The following KCNH1 variants were observed in gnomAD, a reference collection of about 807,000 sequenced individuals.
KCNH1 encodes the protein potassium voltage-gated channel subfamily H member 1, also known as voltage-gated delayed rectifier potassium channel KCNH1.
In KCNH1, 27 loss-of-function variants were observed where a neutral mutation model predicts 69.2. That is an observed-to-expected ratio of 0.39 (90% confidence interval 0.29 to 0.54). The LOEUF is 0.54. Ranked by LOEUF, KCNH1 falls within the 20% of genes least tolerant of loss-of-function variation. KCNH1 has a pLI of 0.68. For missense variants in KCNH1, 798 were observed against 1,261.6 expected, an observed-to-expected ratio of 0.63 and a Z score of 5.57; for synonymous variants, 456 against 487.7, an observed-to-expected ratio of 0.93 and a Z score of 0.86.
At chr1:210,827,568 T>C (rs369352762) in intron 7 of KCNH1, among the ~76,000 whole-genome samples, 31 of 152,108 alleles carry the variant, frequency 2.0e-4, no homozygotes, top group African/African-American at 7.5e-4. Flanking sequence ...TTGATTACAC[T>C]TTACATTCAA....
At chr1:211,042,413 C>CA (rs1230896235) in intron 5 of KCNH1, among the ~76,000 whole-genome samples, 2 of 152,074 alleles carry the variant, frequency 1.3e-5, no homozygotes, top group Non-Finnish European at 2.9e-5. Flanking sequence ...CAAGGCCTGG[C>CA]ATATAGTGTT....
At chr1:210,966,100 C>T (rs1208809497) in intron 6 of KCNH1, among the ~76,000 whole-genome samples, 3 of 152,170 alleles carry the variant, frequency 2.0e-5, no homozygotes, top group South Asian at 4.1e-4. Flanking sequence ...ACCATCTGAT[C>T]TTTGACAAAC....
intron 3 of KCNH1, among the ~76,000 whole-genome samples, chr1:211,101,426 G>T (rs1487813382): frequency 5.9e-5 from 9 of 152,172 alleles, no homozygotes; most frequent in African/African-American, 2.2e-4. Context: ...TAGTAAGCAG[G>T]TCCTAGGAAG....
chr1:210,683,213 G>A lies in KCNH1; in HGVS notation c.*68C>T. 6.9e-7 allele frequency: 1 copy of A among 1,454,400 alleles called. No homozygotes were observed. Among genetic ancestry groups the A allele is most frequent in the Non-Finnish European group, 9.3e-7 (1 of 1,070,620 alleles). 90.1% of individuals were successfully genotyped at this position (1,454,400 alleles called of 1,614,324 possible). ...AAAATTGTTGGTCATGTGGACATAT[G>A]TGGTAGGGGTGGTGGTGACGGCAGG... On this transcript the variant is annotated 3_prime_UTR_variant, in exon 11 of 11. Transcript: ENST00000271751. The surrounding 1 kb of genome is among the most constrained non-coding windows in gnomAD (Gnocchi z 5.7).
chr1:210,695,225 GTCCTT>G (rs369542778), intron 10 of KCNH1, among the ~76,000 whole-genome samples: 20 of 152,230 alleles, frequency 1.3e-4, no homozygotes, highest in Admixed American at 3.3e-4. Context: ...AACAACTCAA[GTCCTT>G]TACTTTATCC....
At chr1:210,781,370 C>T (rs190996144) in intron 9 of KCNH1, among the ~76,000 whole-genome samples, 1 of 152,184 alleles carries the variant, frequency 6.6e-6, no homozygotes, top group East Asian at 1.9e-4. Flanking sequence ...CCCCCTATCC[C>T]ACTGCCTTTA....
chr1:210,919,511 C>T lies in KCNH1; in HGVS notation c.1462+129G>A, dbSNP rs1687415990. The T allele has an allele frequency of 5.6e-6, 5 of 895,770 alleles. No homozygotes were observed. In the African/African-American group the frequency reaches 6.7e-5, roughly 12 times the overall value. The allele number at this position is 895,770 out of a possible 1,614,324, so 55.5% of individuals were successfully genotyped here. A position where few individuals can be genotyped will look rare whatever the true frequency, so the allele number is the denominator to read the frequency against. On this transcript the variant is annotated intron_variant, in intron 7 of 10. Transcript: ENST00000271751. The surrounding 1 kb of genome is among the most constrained non-coding windows in gnomAD (Gnocchi z 4.2). ...CTTTAATTATCAGGGTAACTGTAAG[C>T]CTAGTCTTAAAAAAACTCTTCCTTG... is the stretch of plus-strand genomic sequence containing the variant.
At chr1:210,686,249 C>T (rs528822092) in intron 10 of KCNH1, among the ~76,000 whole-genome samples, 4 of 152,310 alleles carry the variant, frequency 2.6e-5, no homozygotes, top group African/African-American at 7.2e-5. Flanking sequence ...TCACTCTGTG[C>T]TCTGAGTTGG....
intron 7 of KCNH1, among the ~76,000 whole-genome samples, chr1:210,875,531 A>C (rs1290678675): frequency 6.6e-6 from 1 of 152,198 alleles, no homozygotes; most frequent in Non-Finnish European, 1.5e-5. Flanking sequence ...GGCTGGGCGC[A>C]GTGGCTCATG....
At chr1:210,802,261 A>G (rs924243635) in intron 8 of KCNH1, among the ~76,000 whole-genome samples, 7 of 152,258 alleles carry the variant, frequency 4.6e-5, no homozygotes, top group African/African-American at 1.7e-4. Context: ...AATTCAGTTC[A>G]ATGTTTCCTT....
chr1:210,999,236 G>T (rs894589068), intron 6 of KCNH1, among the ~76,000 whole-genome samples: 1 of 152,056 alleles, frequency 6.6e-6, no homozygotes, highest in African/African-American at 2.4e-5. Context: ...CTGGTTTTTT[G>T]AAAAGATCAA....
At position 210,859,547 on chromosome 1, in the gene KCNH1, A is replaced by G; in HGVS notation, c.1463-55381T>C. 1.9e-6 allele frequency: 3 copies of G among 1,586,550 alleles called. No individual in the cohort carries two copies. The Admixed American group carries it at 5.0e-5, about 26-fold the overall frequency. Reference sequence around the variant, plus strand: ...GCCTGCTTAGCCAGAATCTCCAAATATTCTTTCCCATCTTCATCAATATCA... The same window carrying G: ...GCCTGCTTAGCCAGAATCTCCAAATGTTCTTTCCCATCTTCATCAATATCA... On this transcript the variant is annotated intron_variant, in intron 7 of 10. Coordinates refer to ENST00000271751, the MANE Select transcript of KCNH1 (RefSeq NM_172362.3).
intron 6 of KCNH1, among the ~76,000 whole-genome samples, chr1:210,932,353 G>A (rs1353735337): frequency 8.6e-5 from 13 of 152,038 alleles, no homozygotes; most frequent in Non-Finnish European, 1.5e-5. Flanking sequence ...AAACCTCACT[G>A]GCTGGGCAGA....
chr1:210,733,949 TCACACACACACACA>T (rs142236390), intron 10 of KCNH1, among the ~76,000 whole-genome samples: 4 of 80,492 alleles, frequency 5.0e-5, no homozygotes, highest in Non-Finnish European at 7.5e-5. Flanking sequence ...TCTGTCTGTC[TCACACACACACACA>T]CACACACACA....
intron 10 of KCNH1, among the ~76,000 whole-genome samples, chr1:210,751,998 C>T (rs1683293925): frequency 6.6e-6 from 1 of 151,966 alleles, no homozygotes; most frequent in Non-Finnish European, 1.5e-5. Context: ...ATTTTGAAGG[C>T]CAGATTGGGT....
At chr1:210,952,047 T>G (rs1047130003) in intron 6 of KCNH1, among the ~76,000 whole-genome samples, 1 of 152,176 alleles carries the variant, frequency 6.6e-6, no homozygotes, top group Non-Finnish European at 1.5e-5. Flanking sequence ...CACATCTTCC[T>G]GTGTGACATT....
At chr1:210,986,989 A>G (rs1688852103) in intron 6 of KCNH1, among the ~76,000 whole-genome samples, 1 of 151,752 alleles carries the variant, frequency 6.6e-6, no homozygotes, top group African/African-American at 2.4e-5. Flanking sequence ...ATTTCTTTTT[A>G]TTGTTTTTTC....
In KCNH1 at chr1:211,113,974, T is replaced by TCA. The variant is rs371049407; in HGVS notation, c.80-6599_80-6598dup. On this transcript the variant is annotated intron_variant, in intron 1 of 10. Transcript: ENST00000271751. ...CTCTGTCTCTCTCTCTCTCTCTCTC[T>TCA]CACACACACACACACACACACACAC... 7.1e-3 allele frequency among the ~76,000 whole-genome samples: 1,006 copies of TCA among 142,448 alleles called. 4 individuals carry two copies. The highest frequency in any genetic ancestry group is 0.017 in the East Asian group (83 of 4,930). 93.5% of individuals were successfully genotyped at this position (142,448 alleles called of 152,430 possible).
At chr1:210,799,371 T>C (rs549901553) in intron 8 of KCNH1, among the ~76,000 whole-genome samples, 1 of 152,120 alleles carries the variant, frequency 6.6e-6, no homozygotes, top group South Asian at 2.1e-4. Context: ...ATTCCTATAC[T>C]AGGCAGCTGC....
Sources: allele counts gnomAD v4.1 joint callset (sites outside exome capture counted in the v4.1 genomes callset), GRCh38; gene constraint gnomAD v4.1.1; non-coding constraint Gnocchi (gnomAD v3.1); transcripts MANE v1.5; gene names NCBI Gene and HGNC (gene_info 2026-07-23, HGNC 2026-07-21).